The following CROCC2 variants were observed in gnomAD, a reference collection of about 807,000 sequenced individuals.
The protein encoded by CROCC2 is ciliary rootlet coiled-coil protein 2.
A neutral mutation model predicts 177.6 loss-of-function variants in CROCC2; 163 were observed. That is an observed-to-expected ratio of 0.92 (90% CI 0.81 to 1.05). CROCC2 has a LOEUF of 1.05. Ranked by LOEUF, CROCC2 falls within the 50% of genes least tolerant of loss-of-function variation. The probability of loss-of-function intolerance (pLI) is 0.00; values close to 1 mark genes in which losing one functional copy is unlikely to be tolerated. For synonymous variants in CROCC2, 904 were observed against 787.3 expected (o/e 1.15, Z -2.48); for missense variants, 1,929 against 1,797.8 (o/e 1.07, Z -1.32).
chr2:240,919,042 AAGGTGATGGCGTGGGGGACGGTCCTGG>A, intron 2 of CROCC2, among the ~76,000 whole-genome samples, 166 bp downstream of exon 2: 1 of 34,390 alleles, frequency 2.9e-5, no homozygotes, highest in African/African-American at 8.4e-5. Context: ...GGGGCTGGGC[AAGGTGATGGCGTGGGGGACGGTCCTGG>A]GCCCGGGGCT....
At chr2:240,914,376 C>A (rs2059305548) in intron 1 of CROCC2, among the ~76,000 whole-genome samples, 1 of 152,216 alleles carries the variant, frequency 6.6e-6, no homozygotes, top group African/African-American at 2.4e-5. Flanking sequence ...AAGTGGAGAG[C>A]GTGGAGAACC....
At chr2:240,907,421 A>C (rs2059262914) in intron 1 of CROCC2, among the ~76,000 whole-genome samples, 1 of 152,012 alleles carries the variant, frequency 6.6e-6, no homozygotes, top group Non-Finnish European at 1.5e-5. Context: ...CCCCACCTCC[A>C]ACGGACCCCT....
intron 18 of CROCC2, 32 bp from the exon 19 acceptor site, chr2:240,955,827 A>G: frequency 5.4e-6 from 8 of 1,491,536 alleles, no homozygotes; most frequent in Non-Finnish European, 5.4e-6. Context: ...AGACTCCCCA[A>G]CTTTCTCACA....
In CROCC2 at chr2:240,949,061, G is replaced by A. The variant is rs1389850079; in HGVS notation, c.2446G>A (p.Ala816Thr). 4.5e-6 allele frequency: 7 copies of A among 1,548,604 alleles called. No homozygotes were observed. The Admixed American group carries it at 1.2e-4, about 26-fold the overall frequency. Residue 816 changes from alanine to threonine, a missense_variant, in exon 16 of 32, where the codon GCC becomes ACC. Coordinates refer to ENST00000690015, the MANE Select transcript of CROCC2 (RefSeq NM_001351305.2). This position sits in a 1 kb window ranked among gnomAD's most constrained non-coding sequence, Gnocchi z 4.5. ...TKLQEQLEEE[A>T]RSAGLARQAL... ...GCTGCAGGAGCAGCTGGAGGAGGAAGCCCGGAGCGCAGGACTCGCGCGGCA... is the reference window on the plus strand; with the variant it reads ...GCTGCAGGAGCAGCTGGAGGAGGAAACCCGGAGCGCAGGACTCGCGCGGCA...
rs1482009619 is a variant in CROCC2 at position 240,958,190 on chromosome 2, G to T, written c.2944-1111G>T. Reference sequence around the variant, plus strand: ...GGCGCCAGATGACAGGACAGCGTGCGCCCCTAGGCTGAGTCACCACTGCCA... The same window carrying T: ...GGCGCCAGATGACAGGACAGCGTGCTCCCCTAGGCTGAGTCACCACTGCCA... On this transcript the variant is annotated intron_variant, in intron 19 of 31. Transcript: ENST00000690015. This position sits in a 1 kb window ranked among gnomAD's most constrained non-coding sequence, Gnocchi z 6.7. 8.1e-6 allele frequency: 8 copies of T among 985,212 alleles called. No homozygotes were observed. The South Asian group carries it at 3.8e-4, about 46-fold the overall frequency. The allele number at this position is 985,212 out of a possible 1,614,324, so 61.0% of individuals were successfully genotyped here. A position where few individuals can be genotyped will look rare whatever the true frequency, so the allele number is the denominator to read the frequency against.
Position 240,972,526 on chromosome 2 carries a change from C to A in CROCC2, c.4401+4264C>A, listed in dbSNP as rs1011364881. Among the ~76,000 whole-genome samples the A allele has an allele frequency of 1.4e-4, 22 of 152,152 alleles. No homozygotes were observed. The highest frequency in any genetic ancestry group is 5.3e-4 in the African/African-American group (22 of 41,480). ...CAACACCCCTGCAGCTCCCTCCAGCCCTCGCCCTTCTGAGTCAGGGTATGG... is the reference window on the plus strand; with the variant it reads ...CAACACCCCTGCAGCTCCCTCCAGCACTCGCCCTTCTGAGTCAGGGTATGG... On this transcript the variant is annotated intron_variant, in intron 27 of 31. Transcript: ENST00000690015. The surrounding 1 kb of genome is among the most constrained non-coding windows in gnomAD (Gnocchi z 7.1).
rs143383815 is a variant in CROCC2 at position 240,914,973 on chromosome 2, G to A, written c.79-3753G>A. The stretch of plus-strand genomic sequence containing the variant: ...CAGGGATGGGAATCAGCGCAAGAGC[G>A]TGGCCTCCAGATAAAGCCAAGACTC... On this transcript the variant is annotated intron_variant, in intron 1 of 31. Coordinates refer to ENST00000690015, the MANE Select transcript of CROCC2 (RefSeq NM_001351305.2). Among the ~76,000 whole-genome samples the A allele has an allele frequency of 6.0e-3, 909 of 152,364 alleles. 8 individuals are homozygous for A. Among genetic ancestry groups the A allele is most frequent in the Non-Finnish European group, 6.3e-3 (428 of 68,038 alleles).
In CROCC2 at chr2:240,958,977, A is replaced by C; in HGVS notation, c.2944-324A>C. The C allele has an allele frequency of 4.4e-6, 1 of 229,164 alleles. No homozygotes were observed. The highest frequency in any genetic ancestry group is 8.5e-6 in the Non-Finnish European group (1 of 117,802). 14.2% of individuals were successfully genotyped at this position (229,164 alleles called of 1,614,324 possible). Reference sequence around the variant, plus strand: ...CTGAGCTCAGTCCCAAATGGAGGGTAGAGCTGCCCAGTGTGTGGTGGTCCC... The same window carrying C: ...CTGAGCTCAGTCCCAAATGGAGGGTCGAGCTGCCCAGTGTGTGGTGGTCCC... On this transcript the variant is annotated intron_variant, in intron 19 of 31. Coordinates refer to ENST00000690015, the MANE Select transcript of CROCC2 (RefSeq NM_001351305.2). This position sits in a 1 kb window ranked among gnomAD's most constrained non-coding sequence, Gnocchi z 6.7.
Position 240,949,434 on chromosome 2 carries a change from G to A in CROCC2, c.2483-99G>A. On this transcript the variant is annotated intron_variant, in intron 16 of 31. Transcript: ENST00000690015. This position sits in a 1 kb window ranked among gnomAD's most constrained non-coding sequence, Gnocchi z 4.5. ...CCACCCACTCCCGGAGCCTGGAGTG[G>A]ACAGTGCTTGCCCCCAAGACTGTCA... The A allele has an allele frequency of 7.1e-7, 1 of 1,409,022 alleles. No individual in the cohort carries two copies. Among genetic ancestry groups the A allele is most frequent in the South Asian group, 1.4e-5 (1 of 72,722 alleles). 87.3% of individuals were successfully genotyped at this position (1,409,022 alleles called of 1,614,324 possible).
At chr2:240,925,422 G>A (rs2059389789) in intron 4 of CROCC2, among the ~76,000 whole-genome samples, 1 of 152,202 alleles carries the variant, frequency 6.6e-6, no homozygotes, top group Non-Finnish European at 1.5e-5. Flanking sequence ...AGGCATTGAG[G>A]GACGGGCCAA....
chr2:240,947,058 C>T (rs2059528491), intron 15 of CROCC2, among the ~76,000 whole-genome samples: 1 of 152,262 alleles, frequency 6.6e-6, no homozygotes, highest in Non-Finnish European at 1.5e-5. Context: ...CAGCTGATGG[C>T]TTCTGTGCCT....
intron 28 of CROCC2, among the ~76,000 whole-genome samples, chr2:240,984,066 T>C (rs868222612): frequency 6.6e-6 from 1 of 152,088 alleles, no homozygotes. Context: ...CAGGAAGAGC[T>C]CAGTGGTCAA....
At chr2:240,935,722 GC>G in intron 14 of CROCC2, 134 bp downstream of exon 14, 3 of 636,614 alleles carry the variant, frequency 4.7e-6, no homozygotes, top group Non-Finnish European at 7.2e-6. Context: ...AACGGATCAG[GC>G]CCAGTGCTGG....
intron 21 of CROCC2, chr2:240,964,227 A>G: frequency 1.7e-6 from 1 of 576,218 alleles, no homozygotes. Flanking sequence ...ACAGGGAGGG[A>G]TGAGGTGAGG....
Position 240,933,075 on chromosome 2 carries a change from C to T in CROCC2, c.1252-56C>T, listed in dbSNP as rs2059444881. 2.0e-5 allele frequency: 31 copies of T among 1,542,188 alleles called. No individual in the cohort carries two copies. The South Asian group carries it at 3.0e-4, about 15-fold the overall frequency. ...GGGAGTCGCAAGCCCTGGTGGGCCT[C>T]GGTGGGCAAAGCCTGCCTAGGCCAG... On this transcript the variant is annotated intron_variant, in intron 9 of 31. Transcript: ENST00000690015.
rs949339604 is a variant in CROCC2, at chr2:240,920,852, G to C, written c.381+718G>C. 2.6e-5 allele frequency among the ~76,000 whole-genome samples: 4 copies of C among 152,348 alleles called. No individual in the cohort carries two copies. The East Asian group carries it at 7.7e-4, about 29-fold the overall frequency. ...CCAGAGCCTCTCTCCTATGTCAGCC[G>C]CTCCAAGACATGCTGGCTTCTGAGG... On this transcript the variant is annotated intron_variant, in intron 3 of 31. Coordinates refer to ENST00000690015, the MANE Select transcript of CROCC2 (RefSeq NM_001351305.2).
intron 27 of CROCC2, among the ~76,000 whole-genome samples, chr2:240,968,736 A>C (rs573936555): frequency 6.6e-6 from 1 of 152,306 alleles, no homozygotes; most frequent in East Asian, 1.9e-4. Flanking sequence ...GCCTCTCAGG[A>C]AGGGCTGAAG....
chr2:240,945,357 C>T (rs560906639), intron 14 of CROCC2, among the ~76,000 whole-genome samples: 2 of 152,272 alleles, frequency 1.3e-5, no homozygotes, highest in South Asian at 2.1e-4. Context: ...TCTGATTCAC[C>T]GCTAGTACTA....
chr2:240,984,555 CA>C (rs2059823287), intron 28 of CROCC2, among the ~76,000 whole-genome samples: 1 of 116,712 alleles, frequency 8.6e-6, no homozygotes, highest in Non-Finnish European at 1.8e-5. Flanking sequence ...ACTCACTCCA[CA>C]CACACCCAGG....
Sources: gnomAD v4.1 joint callset for allele counts (sites outside exome capture counted in the v4.1 genomes callset) on GRCh38, gnomAD v4.1.1 for gene constraint, Gnocchi (gnomAD v3.1) non-coding constraint, MANE v1.5 for transcripts, NCBI Gene and HGNC (gene_info 2026-07-23, HGNC 2026-07-21) for gene names.